CLSTN2: variants seen among roughly 807,000 people sequenced by gnomAD.
The protein encoded by CLSTN2 is calsyntenin-2.
CLSTN2 carries 48 observed loss-of-function variants against 101.2 expected under a neutral mutation model. That is an observed-to-expected ratio of 0.47 (90% CI 0.38 to 0.60). CLSTN2 has a LOEUF of 0.60. Ranked by LOEUF, CLSTN2 falls within the 20% of genes least tolerant of loss-of-function variation. The pLI is 0.00. For synonymous variants in CLSTN2, 481 were observed against 463.6 expected (o/e 1.04, Z -0.48); for missense variants, 1,160 against 1,238.2 (o/e 0.94, Z 0.95).
At chr3:140,386,171 A>T (rs1304138791) in intron 2 of CLSTN2, among the ~76,000 whole-genome samples, 4 of 152,196 alleles carry the variant, frequency 2.6e-5, no homozygotes, top group Non-Finnish European at 5.9e-5. Context: ...AATACAGTAT[A>T]ATCTGTTATT....
At chr3:140,520,737 G>A (rs1325717844) in intron 8 of CLSTN2, among the ~76,000 whole-genome samples, 9 of 152,246 alleles carry the variant, frequency 5.9e-5, no homozygotes, top group African/African-American at 1.9e-4. Context: ...AGTTCTGGAT[G>A]ATATCCTCAA....
chr3:140,327,347 A>G (rs374522104), intron 2 of CLSTN2, among the ~76,000 whole-genome samples: 2 of 152,198 alleles, frequency 1.3e-5, no homozygotes, highest in South Asian at 4.1e-4. Flanking sequence ...GAATAACCCT[A>G]AACACTCACA....
chr3:140,459,482 A>G (rs755103829), intron 6 of CLSTN2, 39 bp from the exon 7 acceptor site: 1 of 1,609,472 alleles, frequency 6.2e-7, no homozygotes, highest in South Asian at 1.1e-5. Flanking sequence ...AGGACACCGC[A>G]TCATGACCTG....
At chr3:140,555,918 G>T (rs1287811002) in intron 10 of CLSTN2, among the ~76,000 whole-genome samples, 1 of 152,318 alleles carries the variant, frequency 6.6e-6, no homozygotes. Context: ...CAAACCCAGG[G>T]CTGCTGGCAG....
At chr3:140,063,128 A>G (rs1309588592) in intron 1 of CLSTN2, among the ~76,000 whole-genome samples, 2 of 152,156 alleles carry the variant, frequency 1.3e-5, no homozygotes, top group Non-Finnish European at 2.9e-5. Flanking sequence ...TCACATAAAC[A>G]CCAGTGATTT....
chr3:140,230,654 A>G (rs2086362773), intron 2 of CLSTN2, among the ~76,000 whole-genome samples: 1 of 152,168 alleles, frequency 6.6e-6, no homozygotes. Flanking sequence ...CAGACACAAA[A>G]TCTGCCGGTG....
chr3:140,417,032 A>G (rs1409365564), intron 4 of CLSTN2, among the ~76,000 whole-genome samples: 2 of 152,262 alleles, frequency 1.3e-5, no homozygotes, highest in Non-Finnish European at 2.9e-5. Context: ...ACAGAGAAGT[A>G]TGAAGTCACC....
intron 2 of CLSTN2, among the ~76,000 whole-genome samples, chr3:140,232,276 A>G (rs774929186): frequency 6.6e-6 from 1 of 152,152 alleles, no homozygotes; most frequent in Non-Finnish European, 1.5e-5. Context: ...TTGTCTGTAA[A>G]ATTAGCATAA....
At chr3:140,502,507 T>G (rs1434240332) in intron 8 of CLSTN2, among the ~76,000 whole-genome samples, 2 of 152,236 alleles carry the variant, frequency 1.3e-5, no homozygotes, top group Non-Finnish European at 2.9e-5. Flanking sequence ...CCCAGCACTT[T>G]TAAACACCTT....
intron 1 of CLSTN2, among the ~76,000 whole-genome samples, chr3:140,047,521 C>G (rs1331024098): frequency 6.6e-6 from 1 of 152,014 alleles, no homozygotes; most frequent in African/African-American, 2.4e-5. Context: ...CTCTATGTGT[C>G]TTAGTTCATT....
rs180865524 is a variant in CLSTN2 at position 140,144,765 on chromosome 3, C to T, written c.110-31186C>T. On this transcript the variant is annotated intron_variant, in intron 1 of 16. Coordinates refer to ENST00000458420, the MANE Select transcript of CLSTN2 (RefSeq NM_022131.3). ...CTGGGCTCCTCTTCACACCCCAGTCCGTGCCACCTGGCATCTGGAATCCAG... is the reference window on the plus strand; with the variant it reads ...CTGGGCTCCTCTTCACACCCCAGTCTGTGCCACCTGGCATCTGGAATCCAG... Among the ~76,000 whole-genome samples, 697 of 152,328 alleles carry T rather than the reference C, an allele frequency of 4.6e-3. 6 individuals are homozygous for T. Among genetic ancestry groups the T allele is most frequent in the African/African-American group, 0.014 (571 of 41,580 alleles).
chr3:140,346,097 G>A (rs2087543997), intron 2 of CLSTN2, among the ~76,000 whole-genome samples: 1 of 152,154 alleles, frequency 6.6e-6, no homozygotes, highest in African/African-American at 2.4e-5. Context: ...GGGTGGCACA[G>A]CCCCAAACCC....
rs112423467 is a variant in CLSTN2 at position 140,493,334 on chromosome 3, G to T, written c.1344+26603G>T. On this transcript the variant is annotated intron_variant, in intron 8 of 16. Transcript: ENST00000458420. ...AGAGGGTTGGGGCAAGGCTTTGAAA[G>T]GATGTCTTTAAAGTGTTTTTAATTA... Among the ~76,000 whole-genome samples, 741 of 152,300 alleles carry T rather than the reference G, an allele frequency of 4.9e-3. 4 individuals carry two copies. Among genetic ancestry groups the T allele is most frequent in the Non-Finnish European group, 7.7e-3 (527 of 68,026 alleles).
intron 1 of CLSTN2, among the ~76,000 whole-genome samples, chr3:140,013,436 G>A (rs535460055): frequency 1.2e-4 from 18 of 152,306 alleles, no homozygotes; most frequent in Admixed American, 9.8e-4. Context: ...ACAAGGATCC[G>A]GAGTTTGTCG....
intron 1 of CLSTN2, among the ~76,000 whole-genome samples, chr3:140,100,363 T>C (rs1224851137): frequency 6.6e-6 from 1 of 152,198 alleles, no homozygotes; most frequent in Non-Finnish European, 1.5e-5. Flanking sequence ...GGCTGTGGAC[T>C]GTATCAAGGT....
chr3:140,366,373 A>C (rs1469423002), intron 2 of CLSTN2, among the ~76,000 whole-genome samples: 1 of 152,238 alleles, frequency 6.6e-6, no homozygotes, highest in Non-Finnish European at 1.5e-5. Flanking sequence ...GTCATGAGAC[A>C]GGAGACAGGA....
chr3:140,474,826 A>T (rs1933942335), intron 8 of CLSTN2, among the ~76,000 whole-genome samples: 1 of 152,088 alleles, frequency 6.6e-6, no homozygotes. Flanking sequence ...CCCAGTCCTG[A>T]ACCACAGCAG....
intron 1 of CLSTN2, among the ~76,000 whole-genome samples, chr3:140,089,046 G>C (rs1272421494): frequency 6.6e-6 from 1 of 152,142 alleles, no homozygotes; most frequent in Non-Finnish European, 1.5e-5. Flanking sequence ...AACTAAAAAT[G>C]TAAGTATGCA....
chr3:140,203,816 G>A (rs143587036), intron 2 of CLSTN2, among the ~76,000 whole-genome samples: 465 of 152,264 alleles, frequency 3.1e-3, no homozygotes, highest in African/African-American at 0.01. Flanking sequence ...AGGAGGGAGA[G>A]GCTGCAAAGA....
Sources: allele counts gnomAD v4.1 joint callset (sites outside exome capture counted in the v4.1 genomes callset), GRCh38; gene constraint gnomAD v4.1.1; transcripts MANE v1.5; gene names NCBI Gene and HGNC (gene_info 2026-07-23, HGNC 2026-07-21).